AFG1L: variants seen among roughly 807,000 people sequenced by gnomAD.
AFG1L encodes the protein AFG1-like ATPase.
A neutral mutation model predicts 62.2 loss-of-function variants in AFG1L; 53 were observed. The observed-to-expected ratio is 0.85, with a 90% confidence interval of 0.68 to 1.07. The LOEUF (loss-of-function observed/expected upper bound fraction) is 1.07, where lower values mean the gene tolerates loss of function less well. AFG1L is among the 50% of genes least tolerant of loss of function. The pLI, the probability that AFG1L is intolerant of heterozygous loss-of-function variation, is 0.00. For missense variants in AFG1L, 555 were observed against 590.5 expected, an observed-to-expected ratio of 0.94 and a Z score of 0.62; for synonymous variants, 228 against 210.3, an observed-to-expected ratio of 1.08 and a Z score of -0.73.
chr6:108,458,224 A>G (rs1207565851), intron 8 of AFG1L, among the ~76,000 whole-genome samples: 2 of 151,938 alleles, frequency 1.3e-5, no homozygotes, highest in Non-Finnish European at 2.9e-5. Context: ...ATTTCTTTAC[A>G]ATTTCTCCCC....
At chr6:108,420,345 C>A (rs1324688773) in intron 7 of AFG1L, among the ~76,000 whole-genome samples, 3 of 149,954 alleles carry the variant, frequency 2.0e-5, no homozygotes, top group Admixed American at 2.0e-4. Flanking sequence ...TCTAGGAAAT[C>A]TACCCAAGAT....
At chr6:108,299,631 G>A (rs1344933024) in intron 1 of AFG1L, among the ~76,000 whole-genome samples, 2 of 152,106 alleles carry the variant, frequency 1.3e-5, no homozygotes, top group Non-Finnish European at 2.9e-5. Context: ...ATAGAAGAAT[G>A]AGCCTGGGAA....
intron 10 of AFG1L, among the ~76,000 whole-genome samples, chr6:108,480,735 T>G (rs1363419565): frequency 6.6e-6 from 1 of 151,932 alleles, no homozygotes; most frequent in Admixed American, 6.6e-5. Context: ...GAGGTGGAGG[T>G]TGCAGTGAGC....
At chr6:108,330,078 G>A (rs890809084) in intron 2 of AFG1L, among the ~76,000 whole-genome samples, 1 of 152,120 alleles carries the variant, frequency 6.6e-6, no homozygotes, top group Non-Finnish European at 1.5e-5. Flanking sequence ...TGTCATCTGG[G>A]GCTCTGCAGA....
intron 8 of AFG1L, among the ~76,000 whole-genome samples, chr6:108,466,780 T>A (rs144450099): frequency 0.04 from 5,937 of 147,874 alleles, 155 homozygotes; most frequent in South Asian, 0.1. Flanking sequence ...TTTTAAAAAA[T>A]ATATATATTT....
chr6:108,478,255 G>A (rs529500240), intron 10 of AFG1L, among the ~76,000 whole-genome samples: 12 of 152,334 alleles, frequency 7.9e-5, no homozygotes, highest in Non-Finnish European at 1.6e-4. Context: ...AGCTAACACG[G>A]TGAAACCTCG....
intron 6 of AFG1L, among the ~76,000 whole-genome samples, chr6:108,386,716 T>C (rs1015538326): frequency 6.6e-6 from 1 of 152,202 alleles, no homozygotes; most frequent in Non-Finnish European, 1.5e-5. Context: ...TGTTGTCTTA[T>C]AGAGTTTATA....
chr6:108,342,730 G>A (rs920481704), intron 2 of AFG1L, among the ~76,000 whole-genome samples: 2 of 152,064 alleles, frequency 1.3e-5, no homozygotes, highest in African/African-American at 2.4e-5. Flanking sequence ...GTAAAAATAC[G>A]TGGAGTATAT....
intron 3 of AFG1L, among the ~76,000 whole-genome samples, chr6:108,349,729 A>T (rs879546410): frequency 5.9e-5 from 9 of 152,030 alleles, no homozygotes; most frequent in Non-Finnish European, 1.2e-4. Context: ...TAGCCTGGAC[A>T]ACTAGGTGAG....
chr6:108,325,328 C>G (rs917870060), intron 2 of AFG1L, among the ~76,000 whole-genome samples: 8 of 152,054 alleles, frequency 5.3e-5, no homozygotes, highest in African/African-American at 1.9e-4. Context: ...CTTGGGAACC[C>G]CTCGTATTTG....
At chr6:108,437,402 C>T (rs981221206) in intron 7 of AFG1L, among the ~76,000 whole-genome samples, 23 of 152,084 alleles carry the variant, frequency 1.5e-4, no homozygotes, top group African/African-American at 3.9e-4. Context: ...AAATCATCAT[C>T]CTTGTTAGAC....
intron 3 of AFG1L, among the ~76,000 whole-genome samples, chr6:108,350,261 G>A (rs1161364948): frequency 2.0e-5 from 3 of 147,714 alleles, no homozygotes; most frequent in African/African-American, 7.4e-5. Flanking sequence ...CTTGAGCTCA[G>A]GAGTTCGAGA....
chr6:108,517,433 G>C (rs1174460980), intron 11 of AFG1L, among the ~76,000 whole-genome samples: 1 of 152,160 alleles, frequency 6.6e-6, no homozygotes, highest in Non-Finnish European at 1.5e-5. Flanking sequence ...ATGGTGCTGG[G>C]AAAACTGGCT....
At chr6:108,296,016 T>C (rs1360580548) in intron 1 of AFG1L, 2 of 152,204 alleles carry the variant, frequency 1.3e-5, no homozygotes, top group African/African-American at 4.8e-5. Context: ...TTTTCCTTTT[T>C]CTCAAATCCA....
chr6:108,520,005 G>C (rs1309100873), intron 12 of AFG1L, 195 bp downstream of exon 12: 1 of 394,328 alleles, frequency 2.5e-6, no homozygotes, highest in African/African-American at 2.1e-5. Flanking sequence ...ACAGTGGAAG[G>C]AACCTTAGTG....
At chr6:108,485,394 A>G (rs1224893175) in intron 10 of AFG1L, among the ~76,000 whole-genome samples, 1 of 151,842 alleles carries the variant, frequency 6.6e-6, no homozygotes, top group Non-Finnish European at 1.5e-5. Flanking sequence ...GTCTCAATGG[A>G]AGAGTAAGTG....
chr6:108,469,307 A>C (rs1408844925), intron 8 of AFG1L, among the ~76,000 whole-genome samples: 1 of 152,144 alleles, frequency 6.6e-6, no homozygotes, highest in African/African-American at 2.4e-5. Context: ...GGATGCTGAA[A>C]AGGTACAGAT....
At chr6:108,308,448 A>G (rs950776177) in intron 1 of AFG1L, among the ~76,000 whole-genome samples, 10 of 152,190 alleles carry the variant, frequency 6.6e-5, no homozygotes, top group African/African-American at 2.4e-4. Context: ...ACTGTGTCCA[A>G]TTTAGCTTTT....
intron 7 of AFG1L, 78 bp downstream of exon 7, chr6:108,402,132 T>A (rs1238983734): frequency 7.2e-6 from 5 of 693,484 alleles, no homozygotes; most frequent in Non-Finnish European, 1.2e-5. Flanking sequence ...ATTGTCTTAG[T>A]CTTGGCATTC....
Sources: allele counts gnomAD v4.1 joint callset (sites outside exome capture counted in the v4.1 genomes callset), GRCh38; gene constraint gnomAD v4.1.1; transcripts MANE v1.5; gene names NCBI Gene and HGNC (gene_info 2026-07-23, HGNC 2026-07-21).